PCDHA9: variants seen among roughly 807,000 people sequenced by gnomAD.
PCDHA9 encodes protocadherin alpha-9.
PCDHA9 carries 62 observed loss-of-function variants against 62.0 expected under a neutral mutation model. The observed-to-expected ratio is 1.00, with a 90% CI of 0.81 to 1.23. The LOEUF is 1.23. Ranked by LOEUF, PCDHA9 falls within the 50% of genes most tolerant of loss-of-function variation. The probability of loss-of-function intolerance (pLI) is 0.00; values close to 1 mark genes in which losing one functional copy is unlikely to be tolerated. For missense variants in PCDHA9, 1,205 were observed against 1,249.8 expected (o/e 0.96, Z 0.54); for synonymous variants, 557 against 567.6 (o/e 0.98, Z 0.27).
intron 1 of PCDHA9, chr5:140,930,420 A>G (rs996872425): frequency 1.3e-5 from 2 of 151,962 alleles, no homozygotes; most frequent in Non-Finnish European, 2.9e-5. Context: ...CAGGGGTCTC[A>G]CTATGTTGCC....
chr5:140,899,534 T>A (rs2067388979), intron 1 of PCDHA9, among the ~76,000 whole-genome samples: 1 of 152,234 alleles, frequency 6.6e-6, no homozygotes, highest in Non-Finnish European at 1.5e-5. Context: ...TGAAGCCCAC[T>A]TGATCATGGT....
intron 1 of PCDHA9, chr5:140,968,000 C>T: frequency 1.2e-6 from 2 of 1,614,234 alleles, no homozygotes; most frequent in Non-Finnish European, 8.5e-7. Context: ...GCCTTTCCGA[C>T]TGAATGGCTT....
intron 1 of PCDHA9, among the ~76,000 whole-genome samples, chr5:140,963,054 T>G (rs1554226381): frequency 6.6e-6 from 1 of 152,174 alleles, no homozygotes; most frequent in Non-Finnish European, 1.5e-5. Flanking sequence ...TATAAGGGTT[T>G]CTACATTGTG....
chr5:140,941,218 T>TCTTTCTTC, intron 1 of PCDHA9, among the ~76,000 whole-genome samples: 1 of 125,730 alleles, frequency 8.0e-6, no homozygotes, highest in African/African-American at 3.3e-5. Context: ...TTTCTTCCTT[T>TCTTTCTTC]CTTTCTTTCT....
intron 1 of PCDHA9, among the ~76,000 whole-genome samples, chr5:140,898,068 C>A (rs1420706890): frequency 8.5e-5 from 13 of 152,050 alleles, no homozygotes; most frequent in African/African-American, 2.7e-4. Context: ...TGTTTGAGTT[C>A]ATTGTAGATT....
chr5:140,906,180 C>T (rs1457176453), intron 1 of PCDHA9, among the ~76,000 whole-genome samples: 1 of 152,132 alleles, frequency 6.6e-6, no homozygotes, highest in Non-Finnish European at 1.5e-5. Flanking sequence ...ACTTTGCATC[C>T]TTCAATCCAA....
intron 1 of PCDHA9, chr5:140,852,588 T>A (rs2150519378): frequency 0.079 from 70,028 of 881,224 alleles, 6,599 homozygotes; most frequent in African/African-American, 0.093. Flanking sequence ...TTTTATTTTT[T>A]TTTTTTGTCA....
chr5:140,997,785 A>G (rs537383326), intron 3 of PCDHA9, among the ~76,000 whole-genome samples: 2 of 152,218 alleles, frequency 1.3e-5, no homozygotes, highest in Admixed American at 1.3e-4. Flanking sequence ...GTATACCTAT[A>G]TTATAATTTA....
At chr5:140,889,257 A>G (rs946372435) in intron 1 of PCDHA9, among the ~76,000 whole-genome samples, 1 of 151,854 alleles carries the variant, frequency 6.6e-6, no homozygotes, top group Non-Finnish European at 1.5e-5. Flanking sequence ...TTTCCTGTAA[A>G]AGTTTGTATA....
chr5:140,983,807 G>T (rs1158459034), intron 3 of PCDHA9, among the ~76,000 whole-genome samples: 1 of 152,100 alleles, frequency 6.6e-6, no homozygotes, highest in African/African-American at 2.4e-5. Context: ...TGTGTAAAAG[G>T]TTTTTTCCCA....
intron 1 of PCDHA9, chr5:140,930,393 CTT>C (rs879960332): frequency 4.1e-5 from 6 of 145,282 alleles, no homozygotes; most frequent in Admixed American, 6.9e-5. Flanking sequence ...TTCAAAACTT[CTT>C]TTTTTTTTTT....
intron 1 of PCDHA9, chr5:140,867,929 GTTT>G (rs1459004552): frequency 6.6e-6 from 1 of 151,990 alleles, no homozygotes; most frequent in Non-Finnish European, 1.5e-5. Context: ...CACTTCCCTT[GTTT>G]TCCATGAACT....
intron 3 of PCDHA9, among the ~76,000 whole-genome samples, chr5:140,985,897 T>G (rs1037239723): frequency 1.3e-5 from 2 of 151,648 alleles, no homozygotes; most frequent in Non-Finnish European, 2.9e-5. Context: ...CCGCCACCAC[T>G]CCCGTCTAAT....
rs782467193 is a variant in PCDHA9, at chr5:140,884,498, G to A, written c.2394+33609G>A. 8.1e-6 allele frequency: 13 copies of A among 1,613,958 alleles called. No homozygotes were observed. The Admixed American group carries it at 8.3e-5, about 10-fold the overall frequency. On this transcript the variant is annotated intron_variant, in intron 1 of 3. Transcript: ENST00000532602. ...CAAGCCCACTCTAGTGTGCTCCAGC[G>A]CGGCAGGGAGTTGGTCGTACTCGCA...
intron 1 of PCDHA9, among the ~76,000 whole-genome samples, chr5:140,949,420 G>A (rs1219049825): frequency 6.6e-6 from 1 of 151,726 alleles, no homozygotes; most frequent in African/African-American, 2.4e-5. Context: ...TCATCATTGT[G>A]TTTATCTCTT....
At position 140,850,472 on chromosome 5, in the gene PCDHA9, G is replaced by A. The variant is rs2150485623; in HGVS notation, c.1977G>A (p.Leu659=). Residue 659 remains leucine (L), a synonymous_variant, in exon 1 of 4, where the codon CTG becomes CTA. Coordinates refer to ENST00000532602, the MANE Select transcript of PCDHA9 (RefSeq NM_031857.2). The part of the protein sequence containing the change: ...VLVKDHGEPA[L]TATATVLVSL... Reference sequence around the variant, plus strand: ...TGAAAGACCACGGGGAGCCAGCGCTGACGGCCACGGCCACTGTGCTGGTGT... The same window carrying A: ...TGAAAGACCACGGGGAGCCAGCGCTAACGGCCACGGCCACTGTGCTGGTGT... 1 of 1,598,076 alleles carries A rather than the reference G, an allele frequency of 6.3e-7. No individual in the cohort carries two copies. The highest frequency in any genetic ancestry group is 1.1e-5 in the South Asian group (1 of 90,510).
In PCDHA9 at chr5:140,850,301, C is replaced by G; in HGVS notation, c.1806C>G (p.Gly602=). ...GKVRAVDADS[G]YNAWLSYELQ... ...TGCGCGCAGTGGACGCCGACTCGGG[C>G]TACAACGCGTGGCTTTCATACGAGC... Residue 602 remains glycine (G), a synonymous_variant, in exon 1 of 4, where the codon GGC becomes GGG. Coordinates refer to ENST00000532602, the MANE Select transcript of PCDHA9 (RefSeq NM_031857.2). The G allele has an allele frequency of 1.9e-6, 3 of 1,596,740 alleles. No individual in the cohort carries two copies. The highest frequency in any genetic ancestry group is 2.6e-6 in the Non-Finnish European group (3 of 1,167,610).
intron 3 of PCDHA9, among the ~76,000 whole-genome samples, chr5:141,005,519 C>T (rs1374058521): frequency 1.3e-5 from 2 of 151,140 alleles, no homozygotes; most frequent in Middle Eastern, 3.2e-3. Context: ...CTGGCTAACA[C>T]GGTGAAACCC....
intron 1 of PCDHA9, chr5:140,877,939 A>G (rs2057403639): frequency 7.2e-7 from 1 of 1,379,672 alleles, no homozygotes. Context: ...TCTATCCTTT[A>G]AACTATCGAA....
Sources: gnomAD v4.1 joint callset for allele counts (sites outside exome capture counted in the v4.1 genomes callset) on GRCh38, gnomAD v4.1.1 for gene constraint, MANE v1.5 for transcripts, NCBI Gene and HGNC (gene_info 2026-07-23, HGNC 2026-07-21) for gene names.